CDH1: variants seen among roughly 807,000 people sequenced by gnomAD.
CDH1 encodes cadherin-1.
CDH1 carries 35 observed loss-of-function variants against 84.5 expected under a neutral mutation model. The ratio of observed to expected loss-of-function variants is 0.41; its 90% confidence interval spans 0.32 to 0.55. CDH1 has a LOEUF of 0.55. CDH1 is among the 20% of genes least tolerant of loss of function. The pLI, the probability that CDH1 is intolerant of heterozygous loss-of-function variation, is 0.19. For missense variants in CDH1, 994 were observed against 1,126.6 expected (o/e 0.88, Z 1.68); for synonymous variants, 417 against 439.0 (o/e 0.95, Z 0.63).
At chr16:68,791,883 A>G (rs1277903044) in intron 2 of CDH1, among the ~76,000 whole-genome samples, 4 of 152,130 alleles carry the variant, frequency 2.6e-5, no homozygotes, top group Admixed American at 1.3e-4. Flanking sequence ...TCCTTGAAGC[A>G]ATCCCTCAAA....
chr16:68,831,617 G>A (rs1961486886), intron 15 of CDH1, among the ~76,000 whole-genome samples: 1 of 151,812 alleles, frequency 6.6e-6, no homozygotes, highest in South Asian at 2.1e-4. Flanking sequence ...TTGGCTCACT[G>A]CAACCTCTGC....
chr16:68,772,164 C>G (rs999633340), intron 2 of CDH1, among the ~76,000 whole-genome samples: 3 of 152,206 alleles, frequency 2.0e-5, no homozygotes, highest in Admixed American at 2.0e-4. Flanking sequence ...GGCTCCTTAT[C>G]TCAAAATTGG....
intron 7 of CDH1, 92 bp downstream of exon 7, chr16:68,811,951 CAGTT>C (rs1203083724): frequency 6.8e-7 from 1 of 1,477,990 alleles, no homozygotes; most frequent in Non-Finnish European, 9.4e-7. Context: ...GGCCAGTTGT[CAGTT>C]AATACAGTGA....
chr16:68,804,920 T>C (rs1358757308), intron 3 of CDH1, among the ~76,000 whole-genome samples: 2 of 128,548 alleles, frequency 1.6e-5, no homozygotes, highest in Non-Finnish European at 3.1e-5. Flanking sequence ...AGCCTTGACC[T>C]CCCAGGCTCA....
At chr16:68,772,088 C>T (rs1959594964) in intron 2 of CDH1, among the ~76,000 whole-genome samples, 1 of 152,178 alleles carries the variant, frequency 6.6e-6, no homozygotes, top group Non-Finnish European at 1.5e-5. Flanking sequence ...GTCGTCTGAC[C>T]TCTGACCTGG....
chr16:68,812,039 C>T (rs2152132331), intron 7 of CDH1, 96 bp from the exon 8 acceptor site: 1 of 1,583,194 alleles, frequency 6.3e-7, no homozygotes. Context: ...GCATGAAGCA[C>T]ATGGTTAAAT....
At chr16:68,808,996 T>C in intron 5 of CDH1, 148 bp downstream of exon 5, 1 of 724,942 alleles carries the variant, frequency 1.4e-6, no homozygotes, top group East Asian at 2.7e-5. Flanking sequence ...GGAGAAGTGA[T>C]GGGAGAACGT....
intron 2 of CDH1, among the ~76,000 whole-genome samples, chr16:68,754,742 G>T (rs1962976220): frequency 6.6e-6 from 1 of 152,198 alleles, no homozygotes; most frequent in Non-Finnish European, 1.5e-5. Context: ...AATTTGTGCT[G>T]AGCACCTGCC....
intron 2 of CDH1, among the ~76,000 whole-genome samples, chr16:68,743,832 C>T (rs899400534): frequency 6.6e-6 from 1 of 152,218 alleles, no homozygotes; most frequent in African/African-American, 2.4e-5. Context: ...TTGAATAAGT[C>T]ACTTTACTTC....
In CDH1 at chr16:68,815,680, TCCGAGGA is replaced by T. The variant is rs876658261; in HGVS notation, c.1488_1494del (p.Glu497LeufsTer23). Reference sequence around the variant, plus strand: ...GCCTCCTGAAAAGAGAGTGGAAGTGTCCGAGGACTTTGGCGTGGGCCAGGAAATCACA... The same window carrying T: ...GCCTCCTGAAAAGAGAGTGGAAGTGTCTTTGGCGTGGGCCAGGAAATCACA... On this transcript the variant is annotated frameshift_variant, in exon 10 of 16. Coordinates refer to ENST00000261769, the MANE Select transcript of CDH1 (RefSeq NM_004360.5). LOFTEE classifies it high-confidence loss of function. 3 of 1,614,172 alleles carry T rather than the reference TCCGAGGA, an allele frequency of 1.9e-6. No individual in the cohort carries two copies. Among genetic ancestry groups the T allele is most frequent in the Non-Finnish European group, 2.5e-6 (3 of 1,180,044 alleles).
intron 9 of CDH1, among the ~76,000 whole-genome samples, chr16:68,814,921 T>TA (rs746677240): frequency 0.011 from 1,445 of 131,684 alleles, 10 homozygotes; most frequent in Middle Eastern, 0.02. Context: ...CTCCATCTCT[T>TA]AAAAAAAAAA....
chr16:68,808,957 T>A, intron 5 of CDH1, 109 bp downstream of exon 5: 3 of 983,800 alleles, frequency 3.0e-6, no homozygotes, highest in Non-Finnish European at 4.7e-6. Context: ...ATGAGGAGCT[T>A]AACTTGACAC....
rs745589555 is a variant in CDH1 at position 68,808,492 on chromosome 16, G to C, written c.456G>C (p.Gln152His). Reference protein sequence around the residue: ...FPNSSPGLRRQKRDWVIPPIS... With the variant: ...FPNSSPGLRRHKRDWVIPPIS... The stretch of plus-strand genomic sequence containing the variant: ...ACTCCTCTCCTGGCCTCAGAAGACA[G>C]AAGAGAGACTGGGTTATTCCTCCCA... The change falls in exon 4 of 16, where the codon CAG becomes CAC. Residue 152 changes from glutamine (Q) to histidine (H), a missense_variant. This residue lies in a region of CDH1 where 203 missense variants were observed against 194.0 expected (regional missense o/e 1.05). Coordinates refer to ENST00000261769, the MANE Select transcript of CDH1 (RefSeq NM_004360.5). The C allele has an allele frequency of 3.1e-6, 5 of 1,614,042 alleles. No individual in the cohort carries two copies. The East Asian group carries it at 1.1e-4, about 36-fold the overall frequency.
At chr16:68,817,110 A>T (rs1348701482) in intron 10 of CDH1, among the ~76,000 whole-genome samples, 2 of 152,244 alleles carry the variant, frequency 1.3e-5, no homozygotes, top group Non-Finnish European at 2.9e-5. Flanking sequence ...AGTGAGGCCA[A>T]GCCCACAGTT....
chr16:68,805,163 TTTC>T (rs1189504882), intron 3 of CDH1, among the ~76,000 whole-genome samples: 4 of 152,122 alleles, frequency 2.6e-5, no homozygotes, highest in Admixed American at 6.6e-5. Context: ...TTACTTTTCT[TTTC>T]TTCTTCTTCC....
chr16:68,799,321 G>T (rs1220595482), intron 2 of CDH1, among the ~76,000 whole-genome samples: 1 of 152,168 alleles, frequency 6.6e-6, no homozygotes, highest in African/African-American at 2.4e-5. Context: ...TTGGGGCATG[G>T]TGGTGATTTT....
chr16:68,768,952 C>G (rs921743900), intron 2 of CDH1, among the ~76,000 whole-genome samples: 1 of 152,190 alleles, frequency 6.6e-6, no homozygotes, highest in African/African-American at 2.4e-5. Context: ...TCTTGCTTAT[C>G]TCTTTCCAGT....
intron 3 of CDH1, among the ~76,000 whole-genome samples, chr16:68,807,060 T>C (rs745697561): frequency 6.6e-6 from 1 of 152,238 alleles, no homozygotes; most frequent in Non-Finnish European, 1.5e-5. Flanking sequence ...CTGGAAACTT[T>C]ACTGTGTTAC....
At chr16:68,755,447 C>T (rs941358778) in intron 2 of CDH1, among the ~76,000 whole-genome samples, 1 of 151,886 alleles carries the variant, frequency 6.6e-6, no homozygotes. Flanking sequence ...GGTCTTGTTA[C>T]GTTGCCCAGG....
Sources: gnomAD v4.1 joint callset for allele counts (sites outside exome capture counted in the v4.1 genomes callset) on GRCh38, gnomAD v4.1.1 for gene constraint, gnomAD v4.1.1 regional missense constraint, MANE v1.5 for transcripts, NCBI Gene and HGNC (gene_info 2026-07-23, HGNC 2026-07-21) for gene names.